The following TTLL9 variants were observed in gnomAD, a reference collection of about 807,000 sequenced individuals.
TTLL9 encodes the protein probable tubulin polyglutamylase TTLL9.
A neutral mutation model predicts 65.6 loss-of-function variants in TTLL9; 47 were observed. The ratio of observed to expected loss-of-function variants is 0.72; its 90% CI spans 0.57 to 0.91. The LOEUF (loss-of-function observed/expected upper bound fraction) is 0.91, where lower values mean the gene tolerates loss of function less well. Ranked by LOEUF, TTLL9 falls within the 40% of genes least tolerant of loss-of-function variation. The pLI is 0.00. For synonymous variants in TTLL9, 179 were observed against 204.8 expected (o/e 0.87, Z 1.07); for missense variants, 537 against 568.8 (o/e 0.94, Z 0.57).
At chr20:31,894,874 G>A (rs1374672596) in intron 3 of TTLL9, among the ~76,000 whole-genome samples, 1 of 152,052 alleles carries the variant, frequency 6.6e-6, no homozygotes, top group African/African-American at 2.4e-5. Context: ...TAAATTGCGT[G>A]TACTCCAATC....
intron 10 of TTLL9, among the ~76,000 whole-genome samples, chr20:31,930,939 A>G (rs2063997943): frequency 6.6e-6 from 1 of 152,014 alleles, no homozygotes; most frequent in Non-Finnish European, 1.5e-5. Context: ...TCTGCTCCTA[A>G]GGAGGCCCGC....
intron 3 of TTLL9, among the ~76,000 whole-genome samples, chr20:31,894,770 T>C (rs1286893367): frequency 2.0e-5 from 3 of 151,970 alleles, no homozygotes; most frequent in Admixed American, 6.6e-5. Flanking sequence ...TTATAGAGTA[T>C]GCGAGCTCCT....
intron 3 of TTLL9, among the ~76,000 whole-genome samples, chr20:31,889,946 G>A (rs1031053844): frequency 1.3e-5 from 2 of 151,760 alleles, no homozygotes; most frequent in Non-Finnish European, 2.9e-5. Flanking sequence ...GAAGAAGAGG[G>A]GAGGGAAGAA....
At chr20:31,909,125 A>ATTTTT (rs11476481) in intron 5 of TTLL9, among the ~76,000 whole-genome samples, 4 of 79,380 alleles carry the variant, frequency 5.0e-5, no homozygotes, top group Non-Finnish European at 9.5e-5. Context: ...TGAAAGCATG[A>ATTTTT]TTTTTTTTTT....
At chr20:31,910,064 G>A (rs2063624596) in intron 6 of TTLL9, 142 bp downstream of exon 6, 2 of 755,272 alleles carry the variant, frequency 2.6e-6, no homozygotes, top group Admixed American at 2.6e-5. Context: ...CCTCTTCTCT[G>A]CAGTGTGTGG....
At chr20:31,901,945 A>G (rs143943026) in intron 4 of TTLL9, among the ~76,000 whole-genome samples, 52 of 152,304 alleles carry the variant, frequency 3.4e-4, no homozygotes, top group African/African-American at 1.1e-3. Flanking sequence ...TTCCTCCTGT[A>G]TCACTGGCAT....
chr20:31,934,640 C>A, intron 11 of TTLL9, 52 bp from the exon 12 acceptor site: 2 of 1,513,760 alleles, frequency 1.3e-6, no homozygotes, highest in South Asian at 1.2e-5. Flanking sequence ...CCTAGCAGGC[C>A]AGGTCCTGAC....
chr20:31,938,903 A>G lies in TTLL9; in HGVS notation c.1119-239A>G, dbSNP rs190492758. On this transcript the variant is annotated intron_variant, in intron 13 of 14. Transcript: ENST00000535842. The stretch of plus-strand genomic sequence containing the variant: ...AAACAAGAACAAAAACAAACAAACA[A>G]AAAAAACAAATAGGGGCATGTTACC... Among the ~76,000 whole-genome samples the G allele has an allele frequency of 3.2e-3, 491 of 152,236 alleles. 2 individuals are homozygous for G. Among genetic ancestry groups the G allele is most frequent in the Non-Finnish European group, 5.2e-3 (351 of 68,008 alleles).
At chr20:31,894,281 T>C (rs1471029996) in intron 3 of TTLL9, among the ~76,000 whole-genome samples, 1 of 151,784 alleles carries the variant, frequency 6.6e-6, no homozygotes, top group Non-Finnish European at 1.5e-5. Context: ...TTTTAAAACT[T>C]TGTGTAGAAA....
At position 31,944,441 on chromosome 20, in the gene TTLL9, C is replaced by T. The variant is rs1286539140; in HGVS notation, c.*1420C>T. 1 of 152,922 alleles carries T rather than the reference C, an allele frequency of 6.5e-6. No individual in the cohort carries two copies. Among genetic ancestry groups the T allele is most frequent in the Non-Finnish European group, 1.5e-5 (1 of 68,534 alleles). 9.5% of individuals were successfully genotyped at this position (152,922 alleles called of 1,614,324 possible). On this transcript the variant is annotated 3_prime_UTR_variant, in exon 15 of 15. Coordinates refer to ENST00000535842, the MANE Select transcript of TTLL9 (RefSeq NM_001008409.5). ...TACAAAAGGGTATAGGGTGACATCT[C>T]CTTCCCTCCCACCTGTGCGCCCCAA...
intron 2 of TTLL9, chr20:31,872,921 G>A (rs529411520): frequency 2.5e-4 from 119 of 478,258 alleles, no homozygotes; most frequent in South Asian, 1.6e-3. Flanking sequence ...CTTCTCTTCT[G>A]TCGGATAAAA....
intron 3 of TTLL9, among the ~76,000 whole-genome samples, chr20:31,890,148 T>TCCTC (rs2063280230): frequency 8.3e-6 from 1 of 119,782 alleles, no homozygotes; most frequent in Non-Finnish European, 1.7e-5. Context: ...CTTCCTTCCT[T>TCCTC]CCTTCCTTCT....
chr20:31,888,408 A>T (rs1484339323), intron 3 of TTLL9, among the ~76,000 whole-genome samples: 2 of 152,234 alleles, frequency 1.3e-5, no homozygotes, highest in Non-Finnish European at 2.9e-5. Flanking sequence ...CAAAACAAAG[A>T]GCACTTAACA....
intron 5 of TTLL9, 39 bp downstream of exon 5, chr20:31,908,741 C>T (rs748080425): frequency 9.4e-6 from 14 of 1,493,804 alleles, no homozygotes; most frequent in South Asian, 1.1e-5. Context: ...CCAACCAACT[C>T]ATGTCACTGG....
At chr20:31,938,086 C>A (rs1420736631) in intron 13 of TTLL9, 56 of 210,606 alleles carry the variant, frequency 2.7e-4, no homozygotes, top group Non-Finnish European at 5.1e-4. Flanking sequence ...CCCTCTCCCT[C>A]CCTCCCTCTC....
intron 2 of TTLL9, among the ~76,000 whole-genome samples, chr20:31,876,833 T>A (rs1246449133): frequency 6.6e-6 from 1 of 152,248 alleles, no homozygotes; most frequent in Non-Finnish European, 1.5e-5. Flanking sequence ...ATATTTTTTG[T>A]ATAGCTGATG....
intron 2 of TTLL9, among the ~76,000 whole-genome samples, chr20:31,875,554 T>C (rs2063026798): frequency 6.6e-6 from 1 of 152,192 alleles, no homozygotes; most frequent in South Asian, 2.1e-4. Context: ...TCTTTCTGCC[T>C]GGAATGCTCT....
intron 7 of TTLL9, among the ~76,000 whole-genome samples, chr20:31,922,061 G>A (rs541747678): frequency 2.6e-5 from 4 of 152,196 alleles, no homozygotes; most frequent in South Asian, 4.1e-4. Context: ...TTGAGGTCAG[G>A]AGTTCGAGAC....
At chr20:31,885,737 G>A (rs2063179690) in intron 2 of TTLL9, among the ~76,000 whole-genome samples, 1 of 152,204 alleles carries the variant, frequency 6.6e-6, no homozygotes, top group Admixed American at 6.5e-5. Flanking sequence ...ACCCCCTAGA[G>A]TACATGCCTT....
Sources: allele counts gnomAD v4.1 joint callset (sites outside exome capture counted in the v4.1 genomes callset), GRCh38; gene constraint gnomAD v4.1.1; transcripts MANE v1.5; gene names NCBI Gene and HGNC (gene_info 2026-07-23, HGNC 2026-07-21).